PDE9A: variants seen among roughly 807,000 people sequenced by gnomAD.
PDE9A encodes phosphodiesterase 9A.
In PDE9A, 60 loss-of-function variants were observed where a neutral mutation model predicts 87.4. The ratio of observed to expected loss-of-function variants is 0.69; its 90% CI spans 0.56 to 0.85. The LOEUF (loss-of-function observed/expected upper bound fraction) is 0.85. Among genes scored for constraint, PDE9A ranks in the 40% least tolerant of loss-of-function variants. PDE9A has a pLI of 0.00. For synonymous variants in PDE9A, 272 were observed against 279.4 expected (o/e 0.97, Z 0.27); for missense variants, 665 against 779.0 (o/e 0.85, Z 1.74).
At chr21:42,706,382 C>T (rs370885878) in intron 4 of PDE9A, among the ~76,000 whole-genome samples, 3 of 152,174 alleles carry the variant, frequency 2.0e-5, no homozygotes, top group Non-Finnish European at 2.9e-5. Flanking sequence ...TGGTGGCTCA[C>T]GCCTGTAATC....
intron 19 of PDE9A, among the ~76,000 whole-genome samples, chr21:42,774,121 A>C (rs1226530834): frequency 6.6e-6 from 1 of 151,976 alleles, no homozygotes; most frequent in Non-Finnish European, 1.5e-5. Flanking sequence ...ATAAGGTCAG[A>C]CTCCATCTCA....
chr21:42,716,067 C>T (rs1028182624), intron 4 of PDE9A, among the ~76,000 whole-genome samples: 2 of 151,942 alleles, frequency 1.3e-5, no homozygotes, highest in South Asian at 2.1e-4. Context: ...TGCCTTTTCC[C>T]GGCATCTTAG....
intron 1 of PDE9A, among the ~76,000 whole-genome samples, chr21:42,674,002 C>CA (rs1323586211): frequency 2.6e-5 from 4 of 152,204 alleles, no homozygotes; most frequent in Non-Finnish European, 5.9e-5. Context: ...TGTTGCTTTG[C>CA]AATTAGTGTC....
chr21:42,683,612 A>G (rs1000558282), intron 1 of PDE9A, among the ~76,000 whole-genome samples: 14 of 152,172 alleles, frequency 9.2e-5, no homozygotes, highest in Middle Eastern at 3.2e-3. Flanking sequence ...TGAGATGGAG[A>G]AGCCCCAGGC....
At chr21:42,690,959 C>G (rs948159459) in intron 3 of PDE9A, among the ~76,000 whole-genome samples, 1 of 152,010 alleles carries the variant, frequency 6.6e-6, no homozygotes, top group South Asian at 2.1e-4. Flanking sequence ...AGCAAAGTCA[C>G]CCAGACCCAT....
chr21:42,763,064 G>T (rs565309201), intron 14 of PDE9A, among the ~76,000 whole-genome samples: 11 of 152,276 alleles, frequency 7.2e-5, no homozygotes, highest in African/African-American at 2.4e-4. Flanking sequence ...GAGGATATCT[G>T]CGTGAGAGGA....
chr21:42,677,585 GCTGT>G (rs1333673261), intron 1 of PDE9A, among the ~76,000 whole-genome samples: 5 of 151,898 alleles, frequency 3.3e-5, no homozygotes, highest in Admixed American at 3.3e-4. Context: ...TGACGGTGCT[GCTGT>G]CTTTCATTCG....
intron 4 of PDE9A, among the ~76,000 whole-genome samples, chr21:42,719,658 AAAAG>A (rs1005432642): frequency 1.4e-5 from 2 of 146,796 alleles, no homozygotes; most frequent in Non-Finnish European, 3.1e-5. Context: ...AAAAAAAAAA[AAAAG>A]AAATATTCCT....
intron 15 of PDE9A, 85 bp from the exon 16 acceptor site, chr21:42,768,103 T>C: frequency 1.2e-6 from 1 of 833,634 alleles, no homozygotes; most frequent in Non-Finnish European, 2.1e-6. Flanking sequence ...TCTTCCTGCC[T>C]GTAATGGCAA....
At chr21:42,673,467 T>C (rs952471933) in intron 1 of PDE9A, among the ~76,000 whole-genome samples, 5 of 152,246 alleles carry the variant, frequency 3.3e-5, no homozygotes, top group Middle Eastern at 3.2e-3. Context: ...TGATGGTCTA[T>C]GAGTCTAGTG....
chr21:42,670,215 TCA>T (rs553416046), intron 1 of PDE9A, among the ~76,000 whole-genome samples: 1,221 of 118,038 alleles, frequency 0.01, 10 homozygotes, highest in Non-Finnish European at 0.011. Flanking sequence ...ACACTTACAT[TCA>T]CACACATACA....
intron 1 of PDE9A, among the ~76,000 whole-genome samples, chr21:42,676,048 C>T (rs1379074717): frequency 6.6e-6 from 1 of 152,176 alleles, no homozygotes; most frequent in East Asian, 1.9e-4. Context: ...CTCTCTCTCC[C>T]TCACGGGTGT....
chr21:42,697,541 C>T lies in PDE9A; in HGVS notation c.219-1427C>T, dbSNP rs780153114. 94 of 1,083,478 alleles carry T rather than the reference C, an allele frequency of 8.7e-5. 1 individual carries two copies. In the East Asian group the frequency reaches 1.5e-3, roughly 18 times the overall value. 67.1% of individuals were successfully genotyped at this position (1,083,478 alleles called of 1,614,324 possible). Reference sequence around the variant, plus strand: ...TCTTCTTAACAACTACCTGACACTGCAGTGTCTCAGTCTGTCTGAACTTAA... The same window carrying T: ...TCTTCTTAACAACTACCTGACACTGTAGTGTCTCAGTCTGTCTGAACTTAA... On this transcript the variant is annotated intron_variant, in intron 3 of 19. Transcript: ENST00000291539.
At chr21:42,769,780 A>G (rs1261406746) in intron 17 of PDE9A, among the ~76,000 whole-genome samples, 1 of 118,406 alleles carries the variant, frequency 8.4e-6, no homozygotes, top group Non-Finnish European at 1.8e-5. Context: ...GCACACAGGT[A>G]CACACAGGCA....
chr21:42,754,095 C>A, intron 10 of PDE9A, 31 bp downstream of exon 10: 1 of 1,436,192 alleles, frequency 7.0e-7, no homozygotes, highest in East Asian at 2.3e-5. Context: ...CACCACGTCC[C>A]AGGGGGAGGC....
chr21:42,675,775 C>G lies in PDE9A; in HGVS notation c.70-10417C>G, dbSNP rs374840441. Among the ~76,000 whole-genome samples the G allele has an allele frequency of 6.6e-6, 1 of 152,338 alleles. No homozygotes were observed. Among genetic ancestry groups the G allele is most frequent in the East Asian group, 1.9e-4 (1 of 5,188 alleles). ...CGTGCAAAATTATGGCCCAGTCTTA[C>G]AACCAGGGTATTGACAGCGAGACAA... On this transcript the variant is annotated intron_variant, in intron 1 of 19. Coordinates refer to ENST00000291539, the MANE Select transcript of PDE9A (RefSeq NM_002606.3). The surrounding 1 kb of genome is among the most constrained non-coding windows in gnomAD (Gnocchi z 4.3).
chr21:42,670,258 T>C (rs2058378425), intron 1 of PDE9A, among the ~76,000 whole-genome samples: 5 of 137,892 alleles, frequency 3.6e-5, no homozygotes, highest in South Asian at 2.2e-4. Flanking sequence ...CATACATACA[T>C]TCACACACAT....
At chr21:42,726,000 C>T (rs2050995102) in intron 4 of PDE9A, among the ~76,000 whole-genome samples, 1 of 152,138 alleles carries the variant, frequency 6.6e-6, no homozygotes, top group Non-Finnish European at 1.5e-5. Flanking sequence ...TATTTTGTAT[C>T]CCAGCCATTT....
intron 1 of PDE9A, among the ~76,000 whole-genome samples, chr21:42,670,287 A>T (rs1349794635): frequency 1.4e-5 from 2 of 146,802 alleles, no homozygotes; most frequent in Non-Finnish European, 3.0e-5. Context: ...ATTCACACAT[A>T]CACATTCACA....
Sources: gnomAD v4.1 joint callset for allele counts (sites outside exome capture counted in the v4.1 genomes callset) on GRCh38, gnomAD v4.1.1 for gene constraint, Gnocchi (gnomAD v3.1) non-coding constraint, MANE v1.5 for transcripts, NCBI Gene and HGNC (gene_info 2026-07-23, HGNC 2026-07-21) for gene names.